Variants in AGO1 observed in about 807,000 individuals in gnomAD.
AGO1 encodes protein argonaute-1.
In AGO1, 11 loss-of-function variants were observed where a neutral mutation model predicts 109.2. The observed-to-expected ratio is 0.10, with a 90% CI of 0.06 to 0.17. AGO1 has a LOEUF of 0.17. AGO1 is among the 10% of genes least tolerant of loss of function. The probability of loss-of-function intolerance (pLI) is 1.00; values close to 1 mark genes in which losing one functional copy is unlikely to be tolerated. For missense variants in AGO1, 574 were observed against 1,140.3 expected, an observed-to-expected ratio of 0.50 and a Z score of 7.15; for synonymous variants, 422 against 418.6, an observed-to-expected ratio of 1.01 and a Z score of -0.10.
rs2148729859 is a variant in AGO1, at chr1:35,925,173, G to T, written c.*5566G>T. 1 of 151,950 alleles carries T rather than the reference G, an allele frequency of 6.6e-6. No homozygotes were observed. The highest frequency in any genetic ancestry group is 2.1e-4 in the South Asian group (1 of 4,796). The allele number at this position is 151,950 out of a possible 1,614,324, so 9.4% of individuals were successfully genotyped here. A position where few individuals can be genotyped will look rare whatever the true frequency, so the allele number is the denominator to read the frequency against. ...TCATGAAGGGAGTGATTAACAACAT[G>T]AACTGCTGCAGAGAGGGAGTTCTTT... On this transcript the variant is annotated 3_prime_UTR_variant, in exon 19 of 19. Transcript: ENST00000373204.
At chr1:35,894,428 T>C (rs1326704972) in intron 7 of AGO1, 26 bp downstream of exon 7, 3 of 1,610,470 alleles carry the variant, frequency 1.9e-6, no homozygotes, top group South Asian at 1.1e-5. Flanking sequence ...TGCTGAGTCA[T>C]ACTTTGTTGG....
Position 35,922,010 on chromosome 1 carries a change from C to T in AGO1, c.*2403C>T, listed in dbSNP as rs1645842281. On this transcript the variant is annotated 3_prime_UTR_variant, in exon 19 of 19. Coordinates refer to ENST00000373204, the MANE Select transcript of AGO1 (RefSeq NM_012199.5). Reference sequence around the variant, plus strand: ...CCTGGGACAGTGGGCTCTGCATGTTCTCCACTTGGATACATTTTGGGGCTA... The same window carrying T: ...CCTGGGACAGTGGGCTCTGCATGTTTTCCACTTGGATACATTTTGGGGCTA... The T allele has an allele frequency of 6.5e-6, 1 of 152,772 alleles. No individual in the cohort carries two copies. The highest frequency in any genetic ancestry group is 2.1e-4 in the South Asian group (1 of 4,828). The allele number at this position is 152,772 out of a possible 1,614,324, so 9.5% of individuals were successfully genotyped here. A position where few individuals can be genotyped will look rare whatever the true frequency, so the allele number is the denominator to read the frequency against.
At chr1:35,902,934 A>G (rs899117554) in intron 11 of AGO1, among the ~76,000 whole-genome samples, 18 of 151,828 alleles carry the variant, frequency 1.2e-4, no homozygotes, top group African/African-American at 4.1e-4. Flanking sequence ...AAAGTGTTAT[A>G]GCCAAATGGT....
At position 35,883,521 on chromosome 1, in the gene AGO1, A is replaced by G; in HGVS notation, c.25+75A>G. 1 of 1,465,838 alleles carries G rather than the reference A, an allele frequency of 6.8e-7. No homozygotes were observed. Among genetic ancestry groups the G allele is most frequent in the East Asian group, 2.8e-5 (1 of 36,174 alleles). 90.8% of individuals were successfully genotyped at this position (1,465,838 alleles called of 1,614,324 possible). A position where few individuals can be genotyped will look rare whatever the true frequency, so the allele number is the denominator to read the frequency against. ...TCCCGCATGAAAAGCGTGGTTTCCA[A>G]GTGATGGAAGCGCTCCTGAGTGAGG... is the stretch of plus-strand genomic sequence containing the variant. On this transcript the variant is annotated intron_variant, in intron 1 of 18. Transcript: ENST00000373204. This position sits in a 1 kb window ranked among gnomAD's most constrained non-coding sequence, Gnocchi z 5.4.
intron 1 of AGO1, among the ~76,000 whole-genome samples, chr1:35,885,059 T>C (rs1324071747): frequency 1.4e-5 from 2 of 143,730 alleles, no homozygotes; most frequent in Non-Finnish European, 3.1e-5. Flanking sequence ...TAGTGATCTC[T>C]AAGTACTTAG....
upstream of AGO1, among the ~76,000 whole-genome samples, chr1:35,881,848 C>T (rs1377667165): frequency 6.6e-6 from 1 of 152,176 alleles, no homozygotes; most frequent in East Asian, 1.9e-4. Context: ...GTCTCTTACC[C>T]CGCCTATCAC....
chr1:35,900,124 A>G (rs1280773777), intron 8 of AGO1, among the ~76,000 whole-genome samples: 1 of 152,198 alleles, frequency 6.6e-6, no homozygotes, highest in Non-Finnish European at 1.5e-5. Flanking sequence ...TGTTTCTCAC[A>G]CCAGCAGAGG....
upstream of AGO1, among the ~76,000 whole-genome samples, chr1:35,882,569 G>C (rs926688070): frequency 6.6e-6 from 1 of 152,208 alleles, no homozygotes; most frequent in Non-Finnish European, 1.5e-5. The surrounding 1 kb of genome is among the most constrained non-coding windows in gnomAD (Gnocchi z 5.1). Flanking sequence ...TGACAGTTCA[G>C]GCATGAACTG....
chr1:35,889,034 GA>G (rs2148709073), intron 2 of AGO1, among the ~76,000 whole-genome samples: 2 of 123,806 alleles, frequency 1.6e-5, no homozygotes, highest in South Asian at 4.6e-4. Flanking sequence ...TGATGAGGCA[GA>G]AGGACAGAGG....
intron 11 of AGO1, among the ~76,000 whole-genome samples, chr1:35,905,110 A>C (rs369590656): frequency 8.7e-4 from 133 of 152,326 alleles, no homozygotes; most frequent in Non-Finnish European, 1.5e-3. Context: ...AGCATTGGAC[A>C]CAGTATTCCA....
At chr1:35,882,358 G>C (rs1358228849), upstream of AGO1, among the ~76,000 whole-genome samples, 1 of 152,124 alleles carries the variant, frequency 6.6e-6, no homozygotes, top group Non-Finnish European at 1.5e-5. The surrounding 1 kb of genome is among the most constrained non-coding windows in gnomAD (Gnocchi z 5.1). Context: ...CAGTTAATGA[G>C]GCAAAAGCAA....
chr1:35,895,893 G>A (rs746563539), intron 8 of AGO1, among the ~76,000 whole-genome samples: 4 of 152,094 alleles, frequency 2.6e-5, no homozygotes, highest in African/African-American at 9.7e-5. Context: ...TCATTGTCTC[G>A]TCCAATGCTA....
intron 8 of AGO1, among the ~76,000 whole-genome samples, chr1:35,900,583 C>A (rs568097782): frequency 9.2e-5 from 14 of 152,048 alleles, no homozygotes; most frequent in African/African-American, 3.4e-4. Flanking sequence ...CAAAATTAGC[C>A]GGGCATGGTA....
At position 35,888,652 on chromosome 1, in the gene AGO1, A is replaced by T. The variant is rs1174987045; in HGVS notation, c.209+42A>T. On this transcript the variant is annotated intron_variant, in intron 2 of 18. Transcript: ENST00000373204. This position sits in a 1 kb window ranked among gnomAD's most constrained non-coding sequence, Gnocchi z 4.1. ...TAAGCCACCAAATCTGAAAGACACCAACCTTGAAAGAGGGGCCAGAAAGGT... is the reference window on the plus strand; with the variant it reads ...TAAGCCACCAAATCTGAAAGACACCTACCTTGAAAGAGGGGCCAGAAAGGT... 1 of 1,605,202 alleles carries T rather than the reference A, an allele frequency of 6.2e-7. No individual in the cohort carries two copies. Among genetic ancestry groups the T allele is most frequent in the East Asian group, 2.2e-5 (1 of 44,616 alleles).
At chr1:35,895,309 T>C (rs746487505) in intron 8 of AGO1, 40 bp downstream of exon 8, 20 of 1,574,318 alleles carry the variant, frequency 1.3e-5, no homozygotes, top group Non-Finnish European at 1.7e-5. Flanking sequence ...AGGCATTGTA[T>C]ATACCTGCAT....
At chr1:35,917,540 C>A in intron 15 of AGO1, 53 bp from the exon 16 acceptor site, 1 of 1,575,286 alleles carries the variant, frequency 6.3e-7, no homozygotes, top group Non-Finnish European at 8.7e-7. Context: ...GGTATGTGAA[C>A]TCAAGAGGAA....
chr1:35,902,918 A>G (rs551916439), intron 11 of AGO1, among the ~76,000 whole-genome samples: 8 of 152,162 alleles, frequency 5.3e-5, no homozygotes, highest in Admixed American at 2.0e-4. Context: ...GATGGCACCA[A>G]TGAGGAAAGT....
At chr1:35,872,570 C>G (rs1032410968) in intron 1 of AGO1, among the ~76,000 whole-genome samples, 1 of 151,432 alleles carries the variant, frequency 6.6e-6, no homozygotes, top group Non-Finnish European at 1.5e-5. Context: ...AATTTTATTT[C>G]TATTCTTTTT....
At chr1:35,871,865 C>T (rs1467799327) in intron 1 of AGO1, among the ~76,000 whole-genome samples, 2 of 151,690 alleles carry the variant, frequency 1.3e-5, no homozygotes, top group Non-Finnish European at 2.9e-5. Flanking sequence ...GTCAGGAGAT[C>T]GAGACTATCT....
Sources: allele counts gnomAD v4.1 joint callset (sites outside exome capture counted in the v4.1 genomes callset), GRCh38; gene constraint gnomAD v4.1.1; non-coding constraint Gnocchi (gnomAD v3.1); transcripts MANE v1.5; gene names NCBI Gene and HGNC (gene_info 2026-07-23, HGNC 2026-07-21).